Variants in ZNF438 observed in about 807,000 individuals in gnomAD.
The protein encoded by ZNF438 is zinc finger protein 438.
A neutral mutation model predicts 38.0 loss-of-function variants in ZNF438; 25 were observed. The ratio of observed to expected loss-of-function variants is 0.66; its 90% CI spans 0.48 to 0.92. ZNF438 has a LOEUF of 0.92. Ranked by LOEUF, ZNF438 falls within the 40% of genes least tolerant of loss-of-function variation. ZNF438 has a pLI of 0.00. For missense variants in ZNF438, 1,007 were observed against 999.6 expected (o/e 1.01, Z -0.10); for synonymous variants, 372 against 364.1 (o/e 1.02, Z -0.25).
intron 3 of ZNF438, among the ~76,000 whole-genome samples, chr10:30,901,703 G>C (rs568809544): frequency 6.6e-6 from 1 of 151,078 alleles, no homozygotes; most frequent in African/African-American, 2.4e-5. Context: ...GATAGGCGAT[G>C]GTCCCTTCGT....
At chr10:30,987,802 T>C (rs1449067635) in intron 1 of ZNF438, among the ~76,000 whole-genome samples, 1 of 152,148 alleles carries the variant, frequency 6.6e-6, no homozygotes, top group African/African-American at 2.4e-5. Context: ...ACTGATCTGC[T>C]GGTGCCTTGA....
At chr10:30,913,993 CAAT>C (rs1157915761) in intron 2 of ZNF438, among the ~76,000 whole-genome samples, 8 of 152,094 alleles carry the variant, frequency 5.3e-5, no homozygotes, top group African/African-American at 1.9e-4. Flanking sequence ...TTAATTTCAA[CAAT>C]GTCCTAAACA....
At chr10:30,948,154 G>A (rs892195043) in intron 1 of ZNF438, among the ~76,000 whole-genome samples, 2 of 152,046 alleles carry the variant, frequency 1.3e-5, no homozygotes, top group Admixed American at 6.5e-5. Flanking sequence ...CATCTCACAC[G>A]GCAGGGTATT....
chr10:30,972,206 T>G (rs1413714442), intron 1 of ZNF438, among the ~76,000 whole-genome samples: 2 of 152,172 alleles, frequency 1.3e-5, no homozygotes, highest in African/African-American at 4.8e-5. Context: ...CCTTACCTCG[T>G]GATCCACCTG....
intron 1 of ZNF438, among the ~76,000 whole-genome samples, chr10:30,978,903 T>A (rs1002868213): frequency 1.3e-5 from 2 of 152,242 alleles, no homozygotes; most frequent in Non-Finnish European, 2.9e-5. Flanking sequence ...AAGCCAAGCA[T>A]TGACTCTCCC....
chr10:30,982,431 G>A (rs2052318313), intron 1 of ZNF438, among the ~76,000 whole-genome samples: 1 of 151,860 alleles, frequency 6.6e-6, no homozygotes, highest in Admixed American at 6.6e-5. Flanking sequence ...TCCCAACCAA[G>A]GTTAGCACAA....
intron 1 of ZNF438, among the ~76,000 whole-genome samples, chr10:30,952,636 A>C (rs1256223467): frequency 7.6e-6 from 1 of 132,046 alleles, no homozygotes; most frequent in Non-Finnish European, 1.6e-5. Flanking sequence ...ATGCAGCCAA[A>C]AAACACATGA....
exon 5 of ZNF438, chr10:30,850,269 G>A: frequency 6.2e-7 from 1 of 1,614,156 alleles, no homozygotes; most frequent in Non-Finnish European, 8.5e-7. Context: ...CTGGACGTTA[G>A]GACTTTGGGC....
intron 2 of ZNF438, among the ~76,000 whole-genome samples, chr10:30,939,078 G>A (rs1313028827): frequency 2.6e-5 from 4 of 152,206 alleles, no homozygotes; most frequent in African/African-American, 9.7e-5. Flanking sequence ...AGAGGCATGA[G>A]CCACTGCTCC....
rs566469443 is a variant in ZNF438, at chr10:30,896,210, G to A, written c.-32+12723C>T. Reference sequence around the variant, plus strand: ...ACTTGGGAGGCTGAGGCAGGAGAACGGCATGAACCTGGGAGGCAGAGCTTG... The same window carrying A: ...ACTTGGGAGGCTGAGGCAGGAGAACAGCATGAACCTGGGAGGCAGAGCTTG... On this transcript the variant is annotated intron_variant, in intron 3 of 5. Transcript: ENST00000413025. Among the ~76,000 whole-genome samples, 405 of 150,898 alleles carry A rather than the reference G, an allele frequency of 2.7e-3. 1 individual carries two copies. The highest frequency in any genetic ancestry group is 7.5e-3 in the African/African-American group (309 of 41,032).
chr10:30,941,354 G>C (rs900258765), intron 2 of ZNF438, among the ~76,000 whole-genome samples: 1 of 152,154 alleles, frequency 6.6e-6, no homozygotes, highest in Non-Finnish European at 1.5e-5. Flanking sequence ...TTACAGGCAT[G>C]AGCCACCATG....
At chr10:30,891,226 C>CT (rs1375350914) in intron 3 of ZNF438, among the ~76,000 whole-genome samples, 1 of 152,102 alleles carries the variant, frequency 6.6e-6, no homozygotes, top group African/African-American at 2.4e-5. Context: ...GCTCTGCTCT[C>CT]TTTTTTTCCC....
At chr10:30,902,625 G>A (rs931546223) in intron 3 of ZNF438, among the ~76,000 whole-genome samples, 10 of 152,122 alleles carry the variant, frequency 6.6e-5, no homozygotes, top group African/African-American at 9.6e-5. Flanking sequence ...GACACAGAGC[G>A]CTGATTGGTG....
At chr10:30,933,135 T>C (rs1378175883) in intron 2 of ZNF438, among the ~76,000 whole-genome samples, 1 of 152,232 alleles carries the variant, frequency 6.6e-6, no homozygotes, top group Admixed American at 6.5e-5. Flanking sequence ...TATTGAAATA[T>C]GTCATCCAAT....
chr10:30,904,800 C>T (rs1325600159), intron 3 of ZNF438, among the ~76,000 whole-genome samples: 1 of 152,164 alleles, frequency 6.6e-6, no homozygotes, highest in Non-Finnish European at 1.5e-5. Flanking sequence ...TTATCTTATG[C>T]CCTTTTTGCC....
intron 4 of ZNF438, among the ~76,000 whole-genome samples, chr10:30,860,964 T>C (rs1383009719): frequency 6.6e-6 from 1 of 152,202 alleles, no homozygotes; most frequent in Non-Finnish European, 1.5e-5. Context: ...TTTAGTATTT[T>C]GCCGAATAAA....
At chr10:30,927,350 C>G (rs2045074577) in intron 2 of ZNF438, among the ~76,000 whole-genome samples, 1 of 152,200 alleles carries the variant, frequency 6.6e-6, no homozygotes, top group Admixed American at 6.5e-5. Flanking sequence ...ATAGTCTCCA[C>G]AAAGGGCATG....
intron 1 of ZNF438, among the ~76,000 whole-genome samples, chr10:31,010,810 T>C (rs938988829): frequency 6.8e-5 from 10 of 147,738 alleles, no homozygotes; most frequent in Admixed American, 4.8e-4. Context: ...GGAGGATCAC[T>C]TGTGCCCAGG....
At chr10:30,985,087 T>G (rs186927269) in intron 1 of ZNF438, among the ~76,000 whole-genome samples, 10 of 152,310 alleles carry the variant, frequency 6.6e-5, no homozygotes, top group African/African-American at 2.4e-4. Context: ...CTTAAATCTT[T>G]AAGACACCTA....
Sources: gnomAD v4.1 joint callset for allele counts (sites outside exome capture counted in the v4.1 genomes callset) on GRCh38, gnomAD v4.1.1 for gene constraint, MANE v1.5 for transcripts, NCBI Gene and HGNC (gene_info 2026-07-23, HGNC 2026-07-21) for gene names.